The following TMEM117 variants were observed in gnomAD, a reference collection of about 807,000 sequenced individuals.
TMEM117 encodes transmembrane protein 117.
Under a neutral mutation model 52.4 loss-of-function variants are expected in TMEM117, and 27 were observed. That is an observed-to-expected ratio of 0.51 (90% confidence interval 0.38 to 0.71). The LOEUF (loss-of-function observed/expected upper bound fraction) is 0.71, where lower values mean the gene tolerates loss of function less well. TMEM117 is among the 30% of genes least tolerant of loss of function. The probability of loss-of-function intolerance (pLI) is 0.00; values close to 1 mark genes in which losing one functional copy is unlikely to be tolerated. For missense variants in TMEM117, 556 were observed against 630.5 expected, an observed-to-expected ratio of 0.88 and a Z score of 1.26; for synonymous variants, 215 against 206.3, an observed-to-expected ratio of 1.04 and a Z score of -0.36.
intron 5 of TMEM117, among the ~76,000 whole-genome samples, chr12:44,217,940 A>C (rs1011583171): frequency 6.6e-6 from 1 of 152,076 alleles, no homozygotes; most frequent in East Asian, 1.9e-4. Context: ...CTAGCAAACC[A>C]GGCTGGGGTG....
chr12:43,796,346 C>A, the TMEM117 span, among the ~76,000 whole-genome samples: 2 of 152,006 alleles, frequency 1.3e-5, no homozygotes, highest in Non-Finnish European at 2.9e-5. Flanking sequence ...GGGTTCAGAA[C>A]CTAAAAACAC....
intron 4 of TMEM117, among the ~76,000 whole-genome samples, chr12:44,201,360 G>A (rs1156911486): frequency 6.6e-6 from 1 of 152,072 alleles, no homozygotes; most frequent in Non-Finnish European, 1.5e-5. Context: ...TAGACATAGA[G>A]GACAGAGAAA....
chr12:43,842,680 C>A (rs541452397), intron 1 of TMEM117, among the ~76,000 whole-genome samples: 7 of 152,116 alleles, frequency 4.6e-5, no homozygotes, highest in African/African-American at 1.7e-4. Flanking sequence ...AATGGATACT[C>A]CCCCCACCAA....
the TMEM117 span, among the ~76,000 whole-genome samples, chr12:43,821,107 A>G: frequency 6.7e-6 from 1 of 149,128 alleles, no homozygotes; most frequent in Non-Finnish European, 1.5e-5. Flanking sequence ...ATTAAAAAAA[A>G]AAAAAAGAAA....
chr12:44,011,036 C>T (rs77288951), intron 3 of TMEM117, among the ~76,000 whole-genome samples: 1 of 152,144 alleles, frequency 6.6e-6, no homozygotes, highest in African/African-American at 2.4e-5. Flanking sequence ...CTCTGAAGAA[C>T]TTTTTTCTAA....
At chr12:43,825,611 A>C in the TMEM117 span, among the ~76,000 whole-genome samples, 1 of 151,880 alleles carries the variant, frequency 6.6e-6, no homozygotes, top group East Asian at 1.9e-4. Context: ...TTTATTATTA[A>C]ATATTATGTG....
At chr12:44,297,487 G>C (rs1322572670) in intron 5 of TMEM117, among the ~76,000 whole-genome samples, 6 of 152,120 alleles carry the variant, frequency 3.9e-5, no homozygotes, top group African/African-American at 1.4e-4. Context: ...CTGTGAAGGA[G>C]GCTGGGGAGA....
chr12:44,172,335 G>A (rs1227334560), intron 4 of TMEM117, among the ~76,000 whole-genome samples: 1 of 152,200 alleles, frequency 6.6e-6, no homozygotes, highest in Non-Finnish European at 1.5e-5. Context: ...ACTAGAGGAG[G>A]ATCCTTTCTT....
chr12:43,993,861 A>G (rs1001500232), intron 3 of TMEM117, among the ~76,000 whole-genome samples: 6 of 151,864 alleles, frequency 4.0e-5, no homozygotes, highest in African/African-American at 1.5e-4. Flanking sequence ...TACTCACCTA[A>G]TTTTTGTATT....
intron 2 of TMEM117, among the ~76,000 whole-genome samples, chr12:43,873,469 C>T (rs142962020): frequency 5.8e-4 from 89 of 152,158 alleles, no homozygotes; most frequent in Middle Eastern, 3.4e-3. Context: ...ACCCTAATGA[C>T]GTTCTTATTT....
At chr12:44,396,111 T>G in the TMEM117 span, among the ~76,000 whole-genome samples, 1 of 152,170 alleles carries the variant, frequency 6.6e-6, no homozygotes, top group South Asian at 2.1e-4. Context: ...CAAGACTGTA[T>G]GCCAGCTTCT....
At chr12:44,258,531 T>G (rs1435120674) in intron 5 of TMEM117, among the ~76,000 whole-genome samples, 1 of 152,206 alleles carries the variant, frequency 6.6e-6, no homozygotes, top group Non-Finnish European at 1.5e-5. Flanking sequence ...TTTTGACATT[T>G]CTGTTATTTA....
chr12:44,031,663 A>C (rs984812068), intron 3 of TMEM117, among the ~76,000 whole-genome samples: 1 of 152,184 alleles, frequency 6.6e-6, no homozygotes, highest in Non-Finnish European at 1.5e-5. Flanking sequence ...CTTTTGAGCT[A>C]TTTACAGCTT....
At chr12:44,345,421 C>T (rs988327923) in intron 6 of TMEM117, among the ~76,000 whole-genome samples, 11 of 151,974 alleles carry the variant, frequency 7.2e-5, no homozygotes, top group African/African-American at 2.7e-4. Context: ...ATGGGGGAGA[C>T]CTTAGGTAGG....
intron 6 of TMEM117, among the ~76,000 whole-genome samples, chr12:44,346,383 A>T (rs1951487488): frequency 1.3e-5 from 2 of 152,096 alleles, no homozygotes; most frequent in Non-Finnish European, 2.9e-5. Flanking sequence ...GTGGTTTTTC[A>T]TCCTGCTTCA....
chr12:44,381,432 G>A (rs1046782378), intron 7 of TMEM117, among the ~76,000 whole-genome samples: 1 of 152,208 alleles, frequency 6.6e-6, no homozygotes, highest in South Asian at 2.1e-4. Flanking sequence ...ATTCAGTCTC[G>A]GAAGCTCCTC....
intron 7 of TMEM117, among the ~76,000 whole-genome samples, chr12:44,379,641 T>C (rs1487140843): frequency 6.6e-6 from 1 of 152,206 alleles, no homozygotes; most frequent in African/African-American, 2.4e-5. Context: ...CTTTTTACTT[T>C]ACCTGACTAC....
rs1229934057 is a variant in TMEM117, at chr12:44,252,683, G to C, written c.608+41296G>C. 2.0e-5 allele frequency among the ~76,000 whole-genome samples: 3 copies of C among 152,282 alleles called. No homozygotes were observed. In the East Asian group the frequency reaches 5.8e-4, roughly 29 times the overall value. On this transcript the variant is annotated intron_variant, in intron 5 of 7. Transcript: ENST00000266534. ...AGGATTTGGCTTTGATGTTTACACA[G>C]GTTTGATTTATACTGGGATGGAATC...
At chr12:43,993,821 A>G (rs1945984441) in intron 3 of TMEM117, among the ~76,000 whole-genome samples, 3 of 152,234 alleles carry the variant, frequency 2.0e-5, no homozygotes, top group South Asian at 4.1e-4. Context: ...CAGCCTGTTC[A>G]GTAGATGGGA....
Sources: gnomAD v4.1 joint callset for allele counts (sites outside exome capture counted in the v4.1 genomes callset) on GRCh38, gnomAD v4.1.1 for gene constraint, MANE v1.5 for transcripts, NCBI Gene and HGNC (gene_info 2026-07-23, HGNC 2026-07-21) for gene names.